The following COP1 variants were observed in gnomAD, a reference collection of about 807,000 sequenced individuals.
The protein encoded by COP1 is COP1 E3 ubiquitin ligase.
Under a neutral mutation model 101.3 loss-of-function variants are expected in COP1, and 24 were observed. The ratio of observed to expected loss-of-function variants is 0.24; its 90% CI spans 0.17 to 0.33. COP1 has a LOEUF of 0.33. Ranked by LOEUF, COP1 falls within the 10% of genes least tolerant of loss-of-function variation. The pLI is 1.00. For missense variants in COP1, 663 were observed against 906.2 expected (o/e 0.73, Z 3.45); for synonymous variants, 347 against 341.9 (o/e 1.01, Z -0.17).
intron 15 of COP1, among the ~76,000 whole-genome samples, chr1:175,994,367 A>G (rs1282777284): frequency 3.3e-5 from 5 of 152,354 alleles, no homozygotes; most frequent in East Asian, 3.9e-4. Flanking sequence ...TAACATCATA[A>G]TGACAGGATC....
At chr1:176,206,418 C>T (rs1700857180) in intron 1 of COP1, 154 bp downstream of exon 1, 3 of 793,016 alleles carry the variant, frequency 3.8e-6, no homozygotes, top group Non-Finnish European at 3.9e-6. Flanking sequence ...AGCTCGAATG[C>T]CTGCAAACGC....
At chr1:176,139,392 C>T (rs141861077) in intron 6 of COP1, among the ~76,000 whole-genome samples, 214 of 151,802 alleles carry the variant, frequency 1.4e-3, no homozygotes, top group African/African-American at 4.9e-3. Flanking sequence ...CTGTGGAGAC[C>T]GGAGTTGGGA....
intron 8 of COP1, among the ~76,000 whole-genome samples, chr1:176,125,706 T>C (rs887731639): frequency 6.6e-6 from 1 of 152,194 alleles, no homozygotes; most frequent in African/African-American, 2.4e-5. Context: ...TTGGCTCTTC[T>C]GGGTCTTTCG....
chr1:175,972,982 G>A (rs1336095007), intron 18 of COP1, among the ~76,000 whole-genome samples: 3 of 151,690 alleles, frequency 2.0e-5, no homozygotes, highest in Admixed American at 6.6e-5. Flanking sequence ...ACAGGCATGC[G>A]CCACCACACC....
intron 12 of COP1, among the ~76,000 whole-genome samples, chr1:176,045,459 C>A (rs538819241): frequency 6.6e-6 from 1 of 151,422 alleles, no homozygotes; most frequent in East Asian, 1.9e-4. Flanking sequence ...AAAAAAGGTT[C>A]AAGGATGGCT....
intron 9 of COP1, among the ~76,000 whole-genome samples, chr1:176,102,874 G>A (rs12135045): frequency 0.069 from 10,561 of 152,158 alleles, 460 homozygotes; most frequent in Admixed American, 0.087. Context: ...AATTGACTCA[G>A]TGCAAGAGGA....
intron 18 of COP1, among the ~76,000 whole-genome samples, chr1:175,966,895 C>T (rs983270163): frequency 7.9e-5 from 12 of 152,108 alleles, no homozygotes; most frequent in African/African-American, 2.9e-4. Flanking sequence ...CATTGACAGG[C>T]CAAATTCCCA....
chr1:176,204,147 TG>T, intron 1 of COP1, among the ~76,000 whole-genome samples: 1 of 152,312 alleles, frequency 6.6e-6, no homozygotes, highest in Non-Finnish European at 1.5e-5. Context: ...AGTTGAGAAC[TG>T]GGAAATCTGA....
At chr1:176,038,692 C>T (rs1351583586) in intron 14 of COP1, among the ~76,000 whole-genome samples, 1 of 151,974 alleles carries the variant, frequency 6.6e-6, no homozygotes, top group East Asian at 1.9e-4. Flanking sequence ...GTGGCGTGCG[C>T]CTGTAATCCC....
chr1:176,201,464 T>C (rs544984697), intron 1 of COP1, among the ~76,000 whole-genome samples: 2 of 152,334 alleles, frequency 1.3e-5, no homozygotes, highest in African/African-American at 4.8e-5. Context: ...CTACAGTTAC[T>C]TTAATCAGTA....
At chr1:176,064,273 A>C (rs1352791148) in intron 11 of COP1, among the ~76,000 whole-genome samples, 1 of 152,240 alleles carries the variant, frequency 6.6e-6, no homozygotes, top group Non-Finnish European at 1.5e-5. Flanking sequence ...AAAATTTGTC[A>C]TATTTCATTT....
intron 6 of COP1, among the ~76,000 whole-genome samples, chr1:176,141,017 A>G (rs1690592291): frequency 6.6e-6 from 1 of 152,226 alleles, no homozygotes; most frequent in African/African-American, 2.4e-5. Context: ...CCCATTACTG[A>G]TAATGGATTT....
intron 11 of COP1, among the ~76,000 whole-genome samples, chr1:176,074,853 A>C (rs1386404692): frequency 6.6e-6 from 1 of 152,050 alleles, no homozygotes; most frequent in African/African-American, 2.4e-5. Context: ...AAGTGCATAC[A>C]TATCAGGTCA....
intron 6 of COP1, among the ~76,000 whole-genome samples, chr1:176,137,334 T>C (rs1054372955): frequency 1.6e-4 from 24 of 152,190 alleles, no homozygotes; most frequent in Admixed American, 9.2e-4. Flanking sequence ...CTGGAACATA[T>C]TGTTCTTTCA....
chr1:176,100,037 T>A (rs1683116216), intron 9 of COP1, among the ~76,000 whole-genome samples: 1 of 152,214 alleles, frequency 6.6e-6, no homozygotes, highest in African/African-American at 2.4e-5. Flanking sequence ...TCAGGCCAAG[T>A]ATAAGACTAA....
chr1:176,009,879 G>C (rs1380278859), intron 15 of COP1, among the ~76,000 whole-genome samples: 3 of 60,722 alleles, frequency 4.9e-5, no homozygotes, highest in Non-Finnish European at 1.5e-4. Flanking sequence ...AGGTTACTTG[G>C]GGGGGGGGGG....
intron 18 of COP1, among the ~76,000 whole-genome samples, chr1:175,967,766 C>G (rs1031310589): frequency 6.6e-6 from 1 of 152,212 alleles, no homozygotes; most frequent in East Asian, 1.9e-4. Context: ...AAAATCTTCA[C>G]GGAAGCTATC....
chr1:176,165,384 GT>G (rs1558240664), intron 3 of COP1, among the ~76,000 whole-genome samples: 62 of 150,486 alleles, frequency 4.1e-4, no homozygotes, highest in Admixed American at 2.5e-3. Context: ...GTGTGTGTGT[GT>G]GTGTGTGTGT....
intron 18 of COP1, among the ~76,000 whole-genome samples, chr1:175,957,732 G>C (rs1203852214): frequency 6.6e-6 from 1 of 152,156 alleles, no homozygotes; most frequent in African/African-American, 2.4e-5. Context: ...ACTTATTTAT[G>C]AATGTTTACA....
Sources: gnomAD v4.1 joint callset for allele counts (sites outside exome capture counted in the v4.1 genomes callset) on GRCh38, gnomAD v4.1.1 for gene constraint, MANE v1.5 for transcripts, NCBI Gene and HGNC (gene_info 2026-07-23, HGNC 2026-07-21) for gene names.